The following DMXL1 variants were observed in gnomAD, a reference collection of about 807,000 sequenced individuals.
DMXL1 encodes the protein Dmx like 1, also known as dmX-like protein 1.
Under a neutral mutation model 319.2 loss-of-function variants are expected in DMXL1, and 99 were observed. The ratio of observed to expected loss-of-function variants is 0.31; its 90% CI spans 0.26 to 0.37. The LOEUF (loss-of-function observed/expected upper bound fraction) is 0.37. Among genes scored for constraint, DMXL1 ranks in the 10% least tolerant of loss-of-function variants. The pLI is 1.00. For missense variants in DMXL1, 3,745 were observed against 3,595.6 expected, an observed-to-expected ratio of 1.04 and a Z score of -1.06; for synonymous variants, 1,385 against 1,235.2, an observed-to-expected ratio of 1.12 and a Z score of -2.54.
chr5:119,206,059 ATCTTT>A (rs1417032806), intron 33 of DMXL1, among the ~76,000 whole-genome samples: 1 of 152,012 alleles, frequency 6.6e-6, no homozygotes, highest in Non-Finnish European at 1.5e-5. Flanking sequence ...GTTTTCTCAG[ATCTTT>A]TCTTTTCCTG....
intron 7 of DMXL1, among the ~76,000 whole-genome samples, chr5:119,117,987 T>C (rs1450085652): frequency 6.6e-6 from 1 of 152,222 alleles, no homozygotes; most frequent in Non-Finnish European, 1.5e-5. Flanking sequence ...ATTGTGACTT[T>C]TTCTTTCTTT....
chr5:119,149,943 GTC>G lies in DMXL1; in HGVS notation c.4121_4122del (p.Leu1374HisfsTer5). ...AESNHERRLR[S>X]LTISASGSTT... ...AATCTAATCATGAACGCCGCCTTAGGTCTCTCACAATCAGTGCTAGTGGAAGC... is the reference window on the plus strand; with the variant it reads ...AATCTAATCATGAACGCCGCCTTAGGTCTCACAATCAGTGCTAGTGGAAGC... On this transcript the variant is annotated frameshift_variant, in exon 18 of 44. Coordinates refer to ENST00000539542, the MANE Select transcript of DMXL1 (RefSeq NM_001290321.3). LOFTEE classifies it high-confidence loss of function. 6.2e-7 allele frequency: 1 copy of G among 1,613,860 alleles called. No homozygotes were observed. The highest frequency in any genetic ancestry group is 8.5e-7 in the Non-Finnish European group (1 of 1,179,912).
At chr5:119,220,631 A>G in intron 36 of DMXL1, 38 bp downstream of exon 36, 1 of 1,599,466 alleles carries the variant, frequency 6.3e-7, no homozygotes, top group African/African-American at 1.3e-5. Context: ...TAATGTTGCA[A>G]TATGAGTGAC....
chr5:119,105,953 T>G (rs1021585197), intron 4 of DMXL1, among the ~76,000 whole-genome samples: 2 of 151,990 alleles, frequency 1.3e-5, no homozygotes, highest in African/African-American at 4.8e-5. Context: ...TATCTATTTC[T>G]GCATTAGAAA....
intron 2 of DMXL1, 114 bp downstream of exon 2, chr5:119,098,218 G>A: frequency 2.4e-6 from 3 of 1,271,190 alleles, no homozygotes; most frequent in Non-Finnish European, 3.2e-6. Flanking sequence ...TTCAAAGATA[G>A]TGTAGCTAGA....
chr5:119,102,065 G>A (rs1757399503), intron 3 of DMXL1, 59 bp downstream of exon 3: 6 of 1,107,906 alleles, frequency 5.4e-6, no homozygotes, highest in East Asian at 2.4e-5. Context: ...TTGAAAGAGT[G>A]TAAAATCAGA....
chr5:119,173,766 ATGTG>A (rs376741039), intron 25 of DMXL1, among the ~76,000 whole-genome samples: 28 of 76,566 alleles, frequency 3.7e-4, no homozygotes, highest in South Asian at 2.6e-3. Context: ...ATATATATAT[ATGTG>A]TGTGTGTATA....
intron 28 of DMXL1, among the ~76,000 whole-genome samples, chr5:119,186,081 G>C (rs1030905461): frequency 6.6e-6 from 1 of 152,196 alleles, no homozygotes; most frequent in Non-Finnish European, 1.5e-5. Context: ...TTTGAAATCT[G>C]TTTGTCTTAA....
chr5:119,188,896 T>C, intron 28 of DMXL1, among the ~76,000 whole-genome samples: 1 of 152,212 alleles, frequency 6.6e-6, no homozygotes, highest in Non-Finnish European at 1.5e-5. Flanking sequence ...CTTTGGAAGG[T>C]GAGTAAAATC....
chr5:119,206,228 G>A (rs951975067), intron 33 of DMXL1, among the ~76,000 whole-genome samples: 7 of 150,502 alleles, frequency 4.7e-5, no homozygotes, highest in African/African-American at 1.7e-4. Flanking sequence ...TCCTTTTTCT[G>A]TTTTTTTTTG....
chr5:119,190,239 C>G (rs1359206339), intron 29 of DMXL1, among the ~76,000 whole-genome samples: 1 of 152,104 alleles, frequency 6.6e-6, no homozygotes, highest in Non-Finnish European at 1.5e-5. Context: ...TCCATATACT[C>G]TTTTTTATAC....
chr5:119,105,043 T>C, intron 3 of DMXL1, 137 bp from the exon 4 acceptor site: 1 of 593,966 alleles, frequency 1.7e-6, no homozygotes, highest in Admixed American at 2.9e-5. Context: ...TCTCTATTTT[T>C]GTTGACTGAA....
chr5:119,164,661 C>A lies in DMXL1; in HGVS notation c.4857C>A (p.Arg1619=). ...GWWVRNTRIL[R]KCIEKVAKAA... The stretch of plus-strand genomic sequence containing the variant: ...GGGTCCGGAATACCCGCATCTTACG[C>A]AAATGCATAGAAAAAGTAAGTGTTT... The change falls in exon 20 of 44, where the codon CGC becomes CGA. Residue 1619 remains arginine, a synonymous_variant. Transcript: ENST00000539542. 1 of 1,595,092 alleles carries A rather than the reference C, an allele frequency of 6.3e-7. No homozygotes were observed. Among genetic ancestry groups the A allele is most frequent in the East Asian group, 2.2e-5 (1 of 44,572 alleles).
rs1781171725 is a variant in DMXL1 at position 119,203,388 on chromosome 5, G to C, written c.7815G>C (p.Gln2605His). The C allele has an allele frequency of 6.2e-7, 1 of 1,606,404 alleles. No homozygotes were observed. Among genetic ancestry groups the C allele is most frequent in the African/African-American group, 1.3e-5 (1 of 74,596 alleles). Residue 2605 changes from glutamine to histidine, a missense_variant, in exon 33 of 44, where the codon CAG becomes CAC. Physicochemically the swap from Gln to His is conservative, Grantham distance 24. Around this residue, in one of 4 missense-constraint regions of DMXL1, gnomAD observed 1,382 missense variants for 1,269.5 expected, o/e 1.09. Transcript: ENST00000539542. ...WQYLVKQEEIQETFIKNIFTK... is the reference protein window; with the variant it reads ...WQYLVKQEEIHETFIKNIFTK... Reference sequence around the variant, plus strand: ...ATTTGGTGAAGCAGGAAGAAATTCAGGAAACCTTTATCAAAAATATATTCA... The same window carrying C: ...ATTTGGTGAAGCAGGAAGAAATTCACGAAACCTTTATCAAAAATATATTCA...
intron 1 of DMXL1, among the ~76,000 whole-genome samples, chr5:119,096,257 A>G (rs542525182): frequency 5.9e-5 from 9 of 151,336 alleles, no homozygotes; most frequent in Non-Finnish European, 7.4e-5. Flanking sequence ...GCTTGCTGCA[A>G]TCTCCACCTC....
At chr5:119,203,585 A>G (rs185311399) in intron 33 of DMXL1, 149 bp downstream of exon 33, 28 of 351,166 alleles carry the variant, frequency 8.0e-5, no homozygotes, top group African/African-American at 6.0e-4. Context: ...TGTAATTTAT[A>G]AAAGGGGCAG....
intron 42 of DMXL1, among the ~76,000 whole-genome samples, chr5:119,241,534 CAA>C (rs35739845): frequency 3.3e-4 from 19 of 57,538 alleles, no homozygotes; most frequent in Middle Eastern, 9.6e-3. Flanking sequence ...GACTCCGTCT[CAA>C]AAAAAAAAAA....
intron 42 of DMXL1, among the ~76,000 whole-genome samples, chr5:119,243,146 G>T (rs930291367): frequency 1.3e-5 from 2 of 152,180 alleles, no homozygotes; most frequent in African/African-American, 2.4e-5. Flanking sequence ...GTATTCATTT[G>T]TCAGTGCTCA....
chr5:119,077,787 G>GTGTGTA (rs1362828053), intron 1 of DMXL1, among the ~76,000 whole-genome samples: 54 of 136,784 alleles, frequency 3.9e-4, no homozygotes, highest in African/African-American at 9.0e-4. Context: ...GTGTGTGTGT[G>GTGTGTA]TATATCTGTA....
Sources: gnomAD v4.1 joint callset for allele counts (sites outside exome capture counted in the v4.1 genomes callset) on GRCh38, gnomAD v4.1.1 for gene constraint, gnomAD v4.1.1 regional missense constraint, MANE v1.5 for transcripts, NCBI Gene and HGNC (gene_info 2026-07-23, HGNC 2026-07-21) for gene names.